Variants in TMEM151B observed in about 807,000 individuals in gnomAD.
TMEM151B encodes transmembrane protein 151B, also known as transmembrane protein 193.
Under a neutral mutation model 33.0 loss-of-function variants are expected in TMEM151B, and 18 were observed. The ratio of observed to expected loss-of-function variants is 0.55; its 90% CI spans 0.38 to 0.81. The LOEUF (loss-of-function observed/expected upper bound fraction) is 0.81, where lower values mean the gene tolerates loss of function less well. Among genes scored for constraint, TMEM151B ranks in the 30% least tolerant of loss-of-function variants. TMEM151B has a pLI of 0.00. For missense variants in TMEM151B, 672 were observed against 843.4 expected (o/e 0.80, Z 2.52); for synonymous variants, 354 against 373.6 (o/e 0.95, Z 0.61).
intron 1 of TMEM151B, among the ~76,000 whole-genome samples, chr6:44,271,825 G>A (rs1476399627): frequency 6.6e-6 from 1 of 151,826 alleles, no homozygotes; most frequent in Admixed American, 6.6e-5. Context: ...TTCCTGGCTG[G>A]CCTCTAGGTC....
Position 44,275,566 on chromosome 6 carries a change from A to G in TMEM151B, c.740A>G (p.Asn247Ser). Residue 247 changes from asparagine (N) to serine (S), a missense_variant, in exon 3 of 3, where the codon AAC (asparagine) becomes AGC (serine). By Grantham distance (46) the Asn-to-Ser change is conservative. Transcript: ENST00000451188. ...AGTTTCGCCAGCGTGGAGGCCGAGA[A>G]CGCGTACCTGTGCCAGCGCGCGCGC... is the stretch of plus-strand genomic sequence containing the variant. The part of the protein sequence containing the change: ...CFSFASVEAE[N>S]AYLCQRARFF... 6.4e-7 allele frequency: 1 copy of G among 1,550,794 alleles called. No individual in the cohort carries two copies. The highest frequency in any genetic ancestry group is 8.7e-7 in the Non-Finnish European group (1 of 1,146,658).
At position 44,275,577 on chromosome 6, in the gene TMEM151B, T is replaced by G; in HGVS notation, c.751T>G (p.Cys251Gly). 6.4e-7 allele frequency: 1 copy of G among 1,550,940 alleles called. No individual in the cohort carries two copies. The highest frequency in any genetic ancestry group is 8.7e-7 in the Non-Finnish European group (1 of 1,146,686). Residue 251 changes from cysteine (C) to glycine (G), a missense_variant, in exon 3 of 3, where the codon TGC (cysteine) becomes GGC (glycine). Around this residue, in one of 3 missense-constraint regions of TMEM151B, gnomAD observed 285 missense variants for 423.1 expected, o/e 0.67. Coordinates refer to ENST00000451188, the MANE Select transcript of TMEM151B (RefSeq NM_001137560.2). ...CGTGGAGGCCGAGAACGCGTACCTGTGCCAGCGCGCGCGCTTCTTCGCAGA... is the reference window on the plus strand; with the variant it reads ...CGTGGAGGCCGAGAACGCGTACCTGGGCCAGCGCGCGCGCTTCTTCGCAGA... The part of the protein sequence containing the change: ...ASVEAENAYL[C>G]QRARFFAENE...
In TMEM151B at chr6:44,276,331, C is replaced by A. The variant is rs1265133840; in HGVS notation, c.1505C>A (p.Thr502Lys). The change falls in exon 3 of 3, where the codon ACG becomes AAG. Residue 502 changes from threonine to lysine, a missense_variant. Physicochemically the swap from Thr to Lys is moderately conservative, Grantham distance 78. Transcript: ENST00000451188. ...AGCGTCAACGAGGCCAGCTGCCCCA[C>A]GGAGCAGACGCGGCTGTCCAGCCAG... ...SGSVNEASCP[T>K]EQTRLSSQAS... 2 of 1,466,360 alleles carry A rather than the reference C, an allele frequency of 1.4e-6. No homozygotes were observed. Among genetic ancestry groups the A allele is most frequent in the Admixed American group, 2.3e-5 (1 of 43,498 alleles). The allele number at this position is 1,466,360 out of a possible 1,614,324, so 90.8% of individuals were successfully genotyped here.
chr6:44,275,570 G>C lies in TMEM151B; in HGVS notation c.744G>C (p.Ala248=), dbSNP rs987306818. Residue 248 remains alanine (A), a synonymous_variant, in exon 3 of 3, where the codon GCG becomes GCC. Transcript: ENST00000451188. The stretch of plus-strand genomic sequence containing the variant: ...TCGCCAGCGTGGAGGCCGAGAACGC[G>C]TACCTGTGCCAGCGCGCGCGCTTCT... ...FSFASVEAEN[A]YLCQRARFFA... 8 of 1,550,910 alleles carry C rather than the reference G, an allele frequency of 5.2e-6. No individual in the cohort carries two copies. The African/African-American group carries it at 9.6e-5, about 19-fold the overall frequency.
At position 44,270,786 on chromosome 6, in the gene TMEM151B, G is replaced by A; in HGVS notation, c.44G>A (p.Gly15Asp). 8.9e-7 allele frequency: 1 copy of A among 1,118,014 alleles called. No individual in the cohort carries two copies. 69.3% of individuals were successfully genotyped at this position (1,118,014 alleles called of 1,614,324 possible). ...GCCGCGGGAGAGAGCGCCGCCGGCGGCGGCGGCGGCGGTGGCGGCCCCGGG... is the reference window on the plus strand; with the variant it reads ...GCCGCGGGAGAGAGCGCCGCCGGCGACGGCGGCGGCGGTGGCGGCCCCGGG... ...GSAAGESAAG[G>D]GGGGGGPGVS... The change falls in exon 1 of 3, where the codon GGC becomes GAC. Residue 15 changes from glycine to aspartate, a missense_variant. By Grantham distance (94) the Gly-to-Asp change is moderately conservative (BLOSUM62 -1). Around this residue, in one of 3 missense-constraint regions of TMEM151B, gnomAD observed 63 missense variants for 57.2 expected, o/e 1.10. Transcript: ENST00000451188.
chr6:44,275,500 A>T lies in TMEM151B; in HGVS notation c.674A>T (p.Glu225Val). 1 of 1,549,666 alleles carries T rather than the reference A, an allele frequency of 6.5e-7. No individual in the cohort carries two copies. Among genetic ancestry groups the T allele is most frequent in the South Asian group, 1.2e-5 (1 of 83,996 alleles). Residue 225 changes from glutamate to valine, a missense_variant, in exon 3 of 3, where the codon GAG becomes GTG. Around this residue, in one of 3 missense-constraint regions of TMEM151B, gnomAD observed 285 missense variants for 423.1 expected, o/e 0.67. Transcript: ENST00000451188. ...GTGTCCAAGACGCTGGTGGGGCTGG[A>T]GGGCGCGCCGGCCACGCGGCTGCGC... is the stretch of plus-strand genomic sequence containing the variant. The part of the protein sequence containing the change: ...RDVSKTLVGL[E>V]GAPATRLRFT...
rs1044690 is a variant in TMEM151B, at chr6:44,277,504, G to C, written c.*977G>C. The C allele has an allele frequency of 0.25, 38,183 of 152,358 alleles. 4,865 individuals are homozygous for C. Among genetic ancestry groups the C allele is most frequent in the African/African-American group, 0.28 (11,782 of 41,432 alleles). 9.4% of individuals were successfully genotyped at this position (152,358 alleles called of 1,614,324 possible). On this transcript the variant is annotated 3_prime_UTR_variant, in exon 3 of 3. Coordinates refer to ENST00000451188, the MANE Select transcript of TMEM151B (RefSeq NM_001137560.2). ...GACCTCTGGAAGCAGGTGGGAGTAA[G>C]AGAGGAGAGGGCAGTGGAGGGTAGA...
chr6:44,272,700 C>T (rs1782414725), intron 1 of TMEM151B, among the ~76,000 whole-genome samples: 2 of 152,134 alleles, frequency 1.3e-5, no homozygotes, highest in Admixed American at 1.3e-4. Context: ...TGTTTCATTG[C>T]CATTTTTGTG....
chr6:44,271,368 T>TTTGGGGGGGG (rs1554142821), intron 1 of TMEM151B, among the ~76,000 whole-genome samples: 1 of 57,480 alleles, frequency 1.7e-5, no homozygotes, highest in African/African-American at 8.9e-5. Flanking sequence ...TGTGTGTGTG[T>TTTGGGGGGGG]GGGGGGGGGT....
Position 44,271,366 on chromosome 6 carries a change from TGTG to T in TMEM151B, c.135+491_135+493del, listed in dbSNP as rs1280597525. 5.8e-4 allele frequency among the ~76,000 whole-genome samples: 20 copies of T among 34,652 alleles called. 3 individuals carry two copies. Among genetic ancestry groups the T allele is most frequent in the African/African-American group, 2.7e-3 (17 of 6,224 alleles). 22.7% of individuals were successfully genotyped at this position (34,652 alleles called of 152,430 possible). ...GTCATTGGGAGTGTGTGTGTGTGTG[TGTG>T]GGGGGGGGTGTGCACCTCTCTCTCA... On this transcript the variant is annotated intron_variant, in intron 1 of 2. Transcript: ENST00000451188.
At chr6:44,270,938 C>T (rs1392472215) in intron 1 of TMEM151B, 61 bp downstream of exon 1, 1 of 1,007,430 alleles carries the variant, frequency 9.9e-7, no homozygotes, top group Non-Finnish European at 1.2e-6. Flanking sequence ...CATCCCCCAT[C>T]GCACGCGTCC....
Position 44,276,193 on chromosome 6 carries a change from GC to G in TMEM151B, c.1370del (p.Pro457ArgfsTer106). 1 of 1,290,474 alleles carries G rather than the reference GC, an allele frequency of 7.7e-7. No homozygotes were observed. The highest frequency in any genetic ancestry group is 9.8e-7 in the Non-Finnish European group (1 of 1,023,646). The allele number at this position is 1,290,474 out of a possible 1,614,324, so 79.9% of individuals were successfully genotyped here. On this transcript the variant is annotated frameshift_variant, in exon 3 of 3. Transcript: ENST00000451188. LOFTEE classifies it low-confidence loss of function (END_TRUNC). The stretch of plus-strand genomic sequence containing the variant: ...CGCAGCGCCCTAAGCATCTGCGCCA[GC>G]CCGCGGGCCGGCCCGGGGCCCGGTG... ...FSRSALSICA[S>X]PRAGPGPGGG...
intron 1 of TMEM151B, among the ~76,000 whole-genome samples, chr6:44,271,112 C>A (rs1277960668): frequency 6.6e-6 from 1 of 151,380 alleles, no homozygotes; most frequent in Non-Finnish European, 1.5e-5. Flanking sequence ...GGGGGAGGGG[C>A]CTAGGGGCGG....
At position 44,275,996 on chromosome 6, in the gene TMEM151B, G is replaced by T; in HGVS notation, c.1170G>T (p.Ala390=). The T allele has an allele frequency of 7.0e-7, 1 of 1,424,446 alleles. No homozygotes were observed. The highest frequency in any genetic ancestry group is 9.2e-7 in the Non-Finnish European group (1 of 1,088,930). The allele number at this position is 1,424,446 out of a possible 1,614,324, so 88.2% of individuals were successfully genotyped here. A position where few individuals can be genotyped will look rare whatever the true frequency, so the allele number is the denominator to read the frequency against. ...AGCTGGTGCCCAGCTACTCTGAGGCGGTGCTCATGGACCTGGCGGGGCTCG... is the reference window on the plus strand; with the variant it reads ...AGCTGGTGCCCAGCTACTCTGAGGCTGTGCTCATGGACCTGGCGGGGCTCG... ...NQQLVPSYSE[A]VLMDLAGLGT... The change falls in exon 3 of 3, where the codon GCG becomes GCT. Residue 390 remains alanine, a synonymous_variant. Transcript: ENST00000451188.
chr6:44,278,891 A>ACACACC lies in TMEM151B; in HGVS notation c.*2367_*2368insACCCAC, dbSNP rs1482024537. 6.6e-6 allele frequency: 1 copy of ACACACC among 151,482 alleles called. No individual in the cohort carries two copies. The allele number at this position is 151,482 out of a possible 1,614,324, so 9.4% of individuals were successfully genotyped here. A position where few individuals can be genotyped will look rare whatever the true frequency, so the allele number is the denominator to read the frequency against. The stretch of plus-strand genomic sequence containing the variant: ...GCTATACACACACACACACACACAC[A>ACACACC]CACCCTCACACCTACACGTTTGCAC... On this transcript the variant is annotated 3_prime_UTR_variant, in exon 3 of 3. Coordinates refer to ENST00000451188, the MANE Select transcript of TMEM151B (RefSeq NM_001137560.2).
chr6:44,273,657 A>G (rs1000930193), intron 2 of TMEM151B, among the ~76,000 whole-genome samples, 151 bp downstream of exon 2: 6 of 152,264 alleles, frequency 3.9e-5, no homozygotes, highest in Non-Finnish European at 7.3e-5. Flanking sequence ...GGGCAATAGC[A>G]ACAACCATAA....
intron 2 of TMEM151B, 123 bp downstream of exon 2, chr6:44,273,629 A>G: frequency 9.1e-7 from 1 of 1,093,182 alleles, no homozygotes; most frequent in South Asian, 1.6e-5. Flanking sequence ...GTGAGCTCCC[A>G]TGAGCATTGC....
At chr6:44,272,032 C>T (rs184665113) in intron 1 of TMEM151B, among the ~76,000 whole-genome samples, 1,735 of 152,154 alleles carry the variant, frequency 0.011, 87 homozygotes, top group Admixed American at 0.086. Flanking sequence ...CCATGGTAGG[C>T]ACCTAGGATG....
Position 44,270,753 on chromosome 6 carries a change from C to A in TMEM151B, c.11C>A (p.Pro4His). MSP[P>H]GSAAGESAAG... ...CGCCCCCTCTACGCCATGTCCCCCC[C>A]TGGCTCGGCCGCGGGAGAGAGCGCC... Residue 4 changes from proline (P) to histidine (H), a missense_variant, in exon 1 of 3, where the codon CCT (proline) becomes CAT (histidine). Coordinates refer to ENST00000451188, the MANE Select transcript of TMEM151B (RefSeq NM_001137560.2). 4.6e-6 allele frequency: 5 copies of A among 1,094,614 alleles called. No homozygotes were observed. The highest frequency in any genetic ancestry group is 1.7e-5 in the African/African-American group (1 of 58,912). The allele number at this position is 1,094,614 out of a possible 1,614,324, so 67.8% of individuals were successfully genotyped here.
Sources: gnomAD v4.1 joint callset for allele counts (sites outside exome capture counted in the v4.1 genomes callset) on GRCh38, gnomAD v4.1.1 for gene constraint, gnomAD v4.1.1 regional missense constraint, MANE v1.5 for transcripts, NCBI Gene and HGNC (gene_info 2026-07-23, HGNC 2026-07-21) for gene names.